Variants in COL25A1 observed in about 807,000 individuals in gnomAD.
COL25A1 encodes collagen type XXV alpha 1 chain, also known as collagen alpha-1(XXV) chain.
Under a neutral mutation model 128.4 loss-of-function variants are expected in COL25A1, and 103 were observed. The ratio of observed to expected loss-of-function variants is 0.80; its 90% CI spans 0.68 to 0.94. COL25A1 has a LOEUF of 0.94. Among genes scored for constraint, COL25A1 ranks in the 40% least tolerant of loss-of-function variants. The probability of loss-of-function intolerance (pLI) is 0.00; values close to 1 mark genes in which losing one functional copy is unlikely to be tolerated. For synonymous variants in COL25A1, 279 were observed against 277.2 expected, an observed-to-expected ratio of 1.01 and a Z score of -0.06; for missense variants, 745 against 840.0, an observed-to-expected ratio of 0.89 and a Z score of 1.40.
In COL25A1 at chr4:109,158,686, G is replaced by A. The variant is rs542197477; in HGVS notation, c.368-108507C>T. On this transcript the variant is annotated intron_variant, in intron 3 of 37. Coordinates refer to ENST00000399132, the MANE Select transcript of COL25A1 (RefSeq NM_198721.4). ...ATGGATCTAGAGAGCTATGTACATG[G>A]TACTGTGCCTCAGTGATTTACAGGT... is the stretch of plus-strand genomic sequence containing the variant. 2.0e-5 allele frequency among the ~76,000 whole-genome samples: 3 copies of A among 152,324 alleles called. No homozygotes were observed. The South Asian group carries it at 6.2e-4, about 32-fold the overall frequency.
At chr4:109,095,846 C>T (rs1377472319) in intron 3 of COL25A1, among the ~76,000 whole-genome samples, 1 of 152,144 alleles carries the variant, frequency 6.6e-6, no homozygotes, top group East Asian at 1.9e-4. Context: ...GTCATATGAT[C>T]CCTGGCAACC....
chr4:109,183,604 A>C (rs1367186855), intron 3 of COL25A1, among the ~76,000 whole-genome samples: 1 of 152,186 alleles, frequency 6.6e-6, no homozygotes, highest in Non-Finnish European at 1.5e-5. Flanking sequence ...ATAGATCAAG[A>C]ACTATAACGA....
chr4:109,267,016 G>T (rs1034296256), intron 3 of COL25A1, among the ~76,000 whole-genome samples: 2 of 152,158 alleles, frequency 1.3e-5, no homozygotes, highest in African/African-American at 2.4e-5. Flanking sequence ...AAAGAAAACA[G>T]AAAGAATGTA....
At chr4:108,833,169 G>A (rs1287210149) in intron 31 of COL25A1, among the ~76,000 whole-genome samples, 2 of 152,080 alleles carry the variant, frequency 1.3e-5, no homozygotes, top group Admixed American at 6.5e-5. Flanking sequence ...TACACAAGTA[G>A]AAGAAAATTA....
intron 3 of COL25A1, among the ~76,000 whole-genome samples, chr4:109,290,622 G>A (rs1301255837): frequency 1.3e-5 from 2 of 152,056 alleles, no homozygotes; most frequent in African/African-American, 4.8e-5. Flanking sequence ...AATACAGTTT[G>A]TTTAGTTAAG....
intron 6 of COL25A1, among the ~76,000 whole-genome samples, chr4:108,989,366 A>T (rs957323250): frequency 1.3e-5 from 2 of 152,014 alleles, no homozygotes; most frequent in South Asian, 4.2e-4. Flanking sequence ...TACTATGTTT[A>T]TTTTTTTTCA....
At chr4:108,930,119 G>A (rs1487426906) in intron 11 of COL25A1, among the ~76,000 whole-genome samples, 5 of 152,068 alleles carry the variant, frequency 3.3e-5, no homozygotes, top group Non-Finnish European at 7.4e-5. Context: ...GTGTGAAAGT[G>A]TATGCATGTG....
intron 3 of COL25A1, among the ~76,000 whole-genome samples, chr4:109,148,283 CATAAA>C (rs1209831067): frequency 6.6e-6 from 1 of 152,100 alleles, no homozygotes; most frequent in Non-Finnish European, 1.5e-5. Flanking sequence ...AAAAAATTGA[CATAAA>C]ATGAGATTTA....
chr4:109,074,745 T>C (rs934292397), intron 3 of COL25A1, among the ~76,000 whole-genome samples: 1 of 152,182 alleles, frequency 6.6e-6, no homozygotes, highest in East Asian at 1.9e-4. Context: ...AGGCATTCAA[T>C]GGAATCATAC....
At chr4:109,175,531 T>C (rs1233238268) in intron 3 of COL25A1, among the ~76,000 whole-genome samples, 1 of 152,210 alleles carries the variant, frequency 6.6e-6, no homozygotes, top group Non-Finnish European at 1.5e-5. Context: ...TAAAAACATG[T>C]TACTTTTCCC....
chr4:109,227,788 G>A (rs918196827), intron 3 of COL25A1, among the ~76,000 whole-genome samples: 2 of 152,132 alleles, frequency 1.3e-5, no homozygotes, highest in African/African-American at 4.8e-5. Context: ...AACCAATAGG[G>A]CACTTATATA....
intron 13 of COL25A1, among the ~76,000 whole-genome samples, chr4:108,907,344 T>A (rs1345916906): frequency 6.6e-6 from 1 of 152,172 alleles, no homozygotes; most frequent in Non-Finnish European, 1.5e-5. Flanking sequence ...ATTGCCGACA[T>A]TTCCATGTAC....
At chr4:108,921,782 C>T (rs1303537138) in intron 11 of COL25A1, among the ~76,000 whole-genome samples, 1 of 152,150 alleles carries the variant, frequency 6.6e-6, no homozygotes, top group Non-Finnish European at 1.5e-5. Context: ...CTGTGCAATA[C>T]TGCCTTTATA....
intron 3 of COL25A1, among the ~76,000 whole-genome samples, chr4:109,273,817 T>C (rs1214138754): frequency 6.6e-6 from 1 of 152,154 alleles, no homozygotes; most frequent in Non-Finnish European, 1.5e-5. Flanking sequence ...GCGATAGTAA[T>C]GCCTGTCAGA....
intron 31 of COL25A1, among the ~76,000 whole-genome samples, chr4:108,839,784 A>C (rs1734217511): frequency 6.6e-6 from 1 of 152,228 alleles, no homozygotes; most frequent in Non-Finnish European, 1.5e-5. Context: ...GTAAGAATTA[A>C]GTTGTATGGA....
chr4:108,918,718 A>G (rs888939861), intron 12 of COL25A1, among the ~76,000 whole-genome samples: 2 of 152,266 alleles, frequency 1.3e-5, no homozygotes, highest in African/African-American at 4.8e-5. Flanking sequence ...TCAAGGAGTA[A>G]GTTTAAGCCA....
chr4:108,947,640 T>C (rs1242407259), intron 8 of COL25A1, among the ~76,000 whole-genome samples: 2 of 152,072 alleles, frequency 1.3e-5, no homozygotes. Context: ...GGAGGAATGG[T>C]AATTCTCCTC....
intron 5 of COL25A1, among the ~76,000 whole-genome samples, chr4:109,032,576 GAA>G (rs2125916913): frequency 1.3e-5 from 2 of 152,290 alleles, no homozygotes; most frequent in South Asian, 4.1e-4. Context: ...TTTATAATGA[GAA>G]ATCAACCACC....
intron 3 of COL25A1, among the ~76,000 whole-genome samples, chr4:109,273,300 T>C (rs570201061): frequency 2.2e-4 from 34 of 152,272 alleles, no homozygotes; most frequent in African/African-American, 7.5e-4. Flanking sequence ...TTATTTAAAA[T>C]TAATCGTGTA....
Sources: allele counts gnomAD v4.1 joint callset (sites outside exome capture counted in the v4.1 genomes callset), GRCh38; gene constraint gnomAD v4.1.1; transcripts MANE v1.5; gene names NCBI Gene and HGNC (gene_info 2026-07-23, HGNC 2026-07-21).